IPCEF1: variants seen among roughly 807,000 people sequenced by gnomAD.
The protein encoded by IPCEF1 is interactor protein for cytohesin exchange factors 1.
IPCEF1 carries 31 observed loss-of-function variants against 50.9 expected under a neutral mutation model. The observed-to-expected ratio is 0.61, with a 90% CI of 0.46 to 0.82. The LOEUF (loss-of-function observed/expected upper bound fraction) is 0.82, where lower values mean the gene tolerates loss of function less well. Ranked by LOEUF, IPCEF1 falls within the 40% of genes least tolerant of loss-of-function variation. The probability of loss-of-function intolerance (pLI) is 0.00; values close to 1 mark genes in which losing one functional copy is unlikely to be tolerated. For synonymous variants in IPCEF1, 181 were observed against 192.0 expected (o/e 0.94, Z 0.47); for missense variants, 458 against 514.0 (o/e 0.89, Z 1.05).
At chr6:154,351,876 G>A (rs117023626) in intron 1 of IPCEF1, among the ~76,000 whole-genome samples, 4,443 of 152,276 alleles carry the variant, frequency 0.029, 345 homozygotes, top group East Asian at 0.21. Flanking sequence ...GCAAACTAAC[G>A]CAGGAACAAG....
At chr6:154,252,996 T>C (rs894840747) in intron 3 of IPCEF1, among the ~76,000 whole-genome samples, 4 of 152,230 alleles carry the variant, frequency 2.6e-5, no homozygotes, top group African/African-American at 9.6e-5. Context: ...AACAATACAG[T>C]ATCAAAGGCT....
intron 5 of IPCEF1, among the ~76,000 whole-genome samples, chr6:154,227,463 A>G (rs1247865474): frequency 1.3e-5 from 2 of 152,150 alleles, no homozygotes; most frequent in African/African-American, 4.8e-5. Context: ...TCACGCCTGT[A>G]ATCCCAACAC....
intron 9 of IPCEF1, among the ~76,000 whole-genome samples, chr6:154,208,817 A>G (rs1193707880): frequency 3.3e-5 from 5 of 152,254 alleles, no homozygotes; most frequent in African/African-American, 7.2e-5. Flanking sequence ...AACTAAAGGA[A>G]TCACAGATAA....
intron 10 of IPCEF1, among the ~76,000 whole-genome samples, chr6:154,184,571 A>G (rs1400978029): frequency 6.6e-6 from 1 of 152,136 alleles, no homozygotes; most frequent in East Asian, 1.9e-4. Flanking sequence ...TGGTACATAG[A>G]AAAAATACAC....
intron 5 of IPCEF1, among the ~76,000 whole-genome samples, chr6:154,224,798 G>A (rs1382860801): frequency 1.3e-5 from 2 of 152,086 alleles, no homozygotes; most frequent in Non-Finnish European, 2.9e-5. Flanking sequence ...GCATATGTGT[G>A]TTTATACAGA....
At chr6:154,252,072 A>C (rs561904731) in intron 3 of IPCEF1, among the ~76,000 whole-genome samples, 24 of 152,362 alleles carry the variant, frequency 1.6e-4, no homozygotes, top group Admixed American at 1.3e-3. Flanking sequence ...ATAAGGGATT[A>C]GATATTGGGA....
chr6:154,191,437 G>T (rs1669205734), intron 10 of IPCEF1, among the ~76,000 whole-genome samples: 2 of 152,132 alleles, frequency 1.3e-5, no homozygotes, highest in African/African-American at 4.8e-5. Flanking sequence ...ACTTTGGGAG[G>T]CCGAGGCAGG....
intron 1 of IPCEF1, among the ~76,000 whole-genome samples, chr6:154,302,235 C>A (rs1782814229): frequency 6.6e-6 from 1 of 152,158 alleles, no homozygotes; most frequent in South Asian, 2.1e-4. Flanking sequence ...ATTTATAGAC[C>A]TTGACTCCAC....
At chr6:154,241,981 C>G (rs184930280) in intron 5 of IPCEF1, among the ~76,000 whole-genome samples, 28 of 152,322 alleles carry the variant, frequency 1.8e-4, no homozygotes, top group Admixed American at 7.8e-4. Context: ...AATCCCAGTT[C>G]TGCTATTTAC....
intron 1 of IPCEF1, among the ~76,000 whole-genome samples, chr6:154,323,197 G>A (rs1014113504): frequency 1.7e-4 from 26 of 151,850 alleles, no homozygotes; most frequent in Non-Finnish European, 1.0e-4. Context: ...AGATCTCCAC[G>A]TGCACGAGGG....
In IPCEF1 at chr6:154,204,328, A is replaced by G. The variant is rs192722089; in HGVS notation, c.538-4288T>C. Among the ~76,000 whole-genome samples, 910 of 152,358 alleles carry G rather than the reference A, an allele frequency of 6.0e-3. 11 individuals carry two copies. Among genetic ancestry groups the G allele is most frequent in the African/African-American group, 0.021 (883 of 41,584 alleles). On this transcript the variant is annotated intron_variant, in intron 9 of 11. Coordinates refer to ENST00000367220, the MANE Select transcript of IPCEF1 (RefSeq NM_001130700.2). ...TAATTAGGCAGAAGTGAGTCAGCAT[A>G]GAAATCTTAAGGAGTCAAAGTACAT... is the stretch of plus-strand genomic sequence containing the variant.
chr6:154,202,656 A>G (rs1777165052), intron 9 of IPCEF1, among the ~76,000 whole-genome samples: 1 of 152,204 alleles, frequency 6.6e-6, no homozygotes, highest in Admixed American at 6.5e-5. Flanking sequence ...CAGTTGCTAC[A>G]GGACTGTCTG....
chr6:154,334,053 T>C (rs536206888), intron 1 of IPCEF1, among the ~76,000 whole-genome samples: 1 of 152,294 alleles, frequency 6.6e-6, no homozygotes, highest in South Asian at 2.1e-4. Flanking sequence ...CGTAGCTTCA[T>C]TATTGGGCAG....
intron 10 of IPCEF1, among the ~76,000 whole-genome samples, chr6:154,182,630 CT>C (rs1251538697): frequency 2.6e-5 from 4 of 152,106 alleles, no homozygotes; most frequent in Admixed American, 6.6e-5. Flanking sequence ...ATTTGATCGC[CT>C]TTTTTTCTTC....
chr6:154,194,997 G>A (rs376781766), intron 10 of IPCEF1, among the ~76,000 whole-genome samples: 3 of 152,006 alleles, frequency 2.0e-5, no homozygotes, highest in African/African-American at 7.2e-5. Flanking sequence ...CACCCTGATA[G>A]GCATGCTGCA....
chr6:154,183,667 G>C (rs1021872639), intron 10 of IPCEF1, among the ~76,000 whole-genome samples: 6 of 152,274 alleles, frequency 3.9e-5, no homozygotes, highest in African/African-American at 1.4e-4. Flanking sequence ...TTGAGGCCGA[G>C]GCAGGCAGAT....
At position 154,240,659 on chromosome 6, in the gene IPCEF1, TAGAG is replaced by T. The variant is rs886743775; in HGVS notation, c.246+5928_246+5931del. 1.2e-4 allele frequency among the ~76,000 whole-genome samples: 19 copies of T among 152,310 alleles called. 2 individuals are homozygous for T. Among genetic ancestry groups the T allele is most frequent in the Admixed American group, 3.9e-4 (6 of 15,308 alleles). ...GTAAAAAGTGATTAGATCTTCACTA[TAGAG>T]ATTCTCATAAAACTGATTTCAAGAA... On this transcript the variant is annotated intron_variant, in intron 5 of 11. Transcript: ENST00000367220.
intron 1 of IPCEF1, among the ~76,000 whole-genome samples, chr6:154,301,776 A>G (rs1311181163): frequency 6.6e-6 from 1 of 152,228 alleles, no homozygotes; most frequent in Non-Finnish European, 1.5e-5. Context: ...AAGAATCACT[A>G]ATCCACATTT....
chr6:154,257,620 A>G (rs1298387973), intron 3 of IPCEF1, among the ~76,000 whole-genome samples: 5 of 152,248 alleles, frequency 3.3e-5, no homozygotes, highest in Admixed American at 3.3e-4. Flanking sequence ...AATAACAAAC[A>G]AGTCTCTTCC....
Sources: allele counts gnomAD v4.1 joint callset (sites outside exome capture counted in the v4.1 genomes callset), GRCh38; gene constraint gnomAD v4.1.1; transcripts MANE v1.5; gene names NCBI Gene and HGNC (gene_info 2026-07-23, HGNC 2026-07-21).